The following RPRD1A variants were observed in gnomAD, a reference collection of about 807,000 sequenced individuals.
The protein encoded by RPRD1A is regulation of nuclear pre-mRNA domain-containing protein 1A.
RPRD1A carries 9 observed loss-of-function variants against 37.8 expected under a neutral mutation model. That is an observed-to-expected ratio of 0.24 (90% CI 0.14 to 0.42). RPRD1A has a LOEUF of 0.42. Among genes scored for constraint, RPRD1A ranks in the 10% least tolerant of loss-of-function variants. RPRD1A has a pLI of 1.00. For missense variants in RPRD1A, 255 were observed against 371.0 expected (o/e 0.69, Z 2.57); for synonymous variants, 138 against 139.7 (o/e 0.99, Z 0.08).
At chr18:36,015,167 C>T (rs1244003242) in intron 6 of RPRD1A, among the ~76,000 whole-genome samples, 2 of 97,852 alleles carry the variant, frequency 2.0e-5, no homozygotes, top group South Asian at 7.9e-4. Context: ...CATATATACA[C>T]ATATATACAC....
intron 6 of RPRD1A, among the ~76,000 whole-genome samples, chr18:36,014,669 G>C (rs914038730): frequency 6.6e-6 from 1 of 152,178 alleles, no homozygotes; most frequent in African/African-American, 2.4e-5. Flanking sequence ...CGTGAACCTG[G>C]GAGGCAGAGC....
At chr18:36,015,742 C>A (rs1182248359) in intron 6 of RPRD1A, among the ~76,000 whole-genome samples, 2 of 152,070 alleles carry the variant, frequency 1.3e-5, no homozygotes, top group Admixed American at 1.3e-4. Context: ...TGTATGCTTT[C>A]CCTTATATAA....
chr18:36,026,981 A>G lies in RPRD1A; in HGVS notation c.708T>C (p.Asp236=). 1 of 1,614,002 alleles carries G rather than the reference A, an allele frequency of 6.2e-7. No homozygotes were observed. Among genetic ancestry groups the G allele is most frequent in the Non-Finnish European group, 8.5e-7 (1 of 1,179,896 alleles). The change falls in exon 6 of 7, where the codon GAT becomes GAC. Residue 236 remains aspartate, a synonymous_variant. Transcript: ENST00000399022. ...YNGRLAAEID[D]RKQLTRMLAD... ...CTAACATTCGAGTGAGTTGCTTTCT[A>G]TCATCTATTTCTGCCGCCAATCTGC...
chr18:36,000,910 A>G (rs1412119296), intron 6 of RPRD1A, among the ~76,000 whole-genome samples: 1 of 152,218 alleles, frequency 6.6e-6, no homozygotes, highest in Non-Finnish European at 1.5e-5. Flanking sequence ...GGGTATTCTG[A>G]AGATGTTATC....
At chr18:36,043,903 C>T (rs1912773164) in intron 1 of RPRD1A, among the ~76,000 whole-genome samples, 1 of 152,196 alleles carries the variant, frequency 6.6e-6, no homozygotes. Context: ...CCATGTATAA[C>T]TTCTGACTCC....
chr18:36,000,191 C>G (rs911454377), intron 6 of RPRD1A, among the ~76,000 whole-genome samples: 1 of 152,176 alleles, frequency 6.6e-6, no homozygotes, highest in Non-Finnish European at 1.5e-5. Context: ...CCCTCACCTT[C>G]TGGGAAACAA....
intron 6 of RPRD1A, among the ~76,000 whole-genome samples, chr18:36,019,481 G>A (rs962954429): frequency 2.0e-5 from 3 of 152,104 alleles, no homozygotes; most frequent in Middle Eastern, 6.3e-3. Context: ...AATGATGTAG[G>A]GAGATATGAG....
chr18:35,993,694 G>A (rs1273270059), intron 6 of RPRD1A, among the ~76,000 whole-genome samples: 3 of 152,186 alleles, frequency 2.0e-5, no homozygotes, highest in African/African-American at 7.2e-5. Context: ...GGTGTCTGAA[G>A]CAGGACTGCT....
At chr18:36,030,074 G>A (rs1911664393) in intron 4 of RPRD1A, among the ~76,000 whole-genome samples, 1 of 151,290 alleles carries the variant, frequency 6.6e-6, no homozygotes, top group African/African-American at 2.4e-5. Flanking sequence ...CCAAAGTGCT[G>A]GGATTACAGG....
At chr18:36,053,627 T>G (rs1430994318) in intron 1 of RPRD1A, among the ~76,000 whole-genome samples, 1 of 152,198 alleles carries the variant, frequency 6.6e-6, no homozygotes, top group Non-Finnish European at 1.5e-5. Flanking sequence ...ATTATGAGAA[T>G]TCTTATAAAG....
intron 6 of RPRD1A, among the ~76,000 whole-genome samples, chr18:36,004,170 G>A (rs977135056): frequency 2.0e-5 from 3 of 151,550 alleles, no homozygotes; most frequent in Non-Finnish European, 4.4e-5. Flanking sequence ...CAAAAGCTAG[G>A]AGGGGTTAAA....
In RPRD1A at chr18:36,033,617, TTTTTA is replaced by T. The variant is rs564757717; in HGVS notation, c.281+86_281+90del. ...AGCATCAAAAAACTATATTCCCTAC[TTTTTA>T]TTTTAATAGTTTAAGGCAAATTTTA... On this transcript the variant is annotated intron_variant, in intron 2 of 6. Transcript: ENST00000399022. 7.5e-4 allele frequency: 822 copies of T among 1,091,602 alleles called. 3 individuals are homozygous for T. In the African/African-American group the frequency reaches 0.012, roughly 16 times the overall value. 67.6% of individuals were successfully genotyped at this position (1,091,602 alleles called of 1,614,324 possible). A position where few individuals can be genotyped will look rare whatever the true frequency, so the allele number is the denominator to read the frequency against.
intron 6 of RPRD1A, chr18:36,025,001 CAGA>C (rs1911262081): frequency 6.6e-6 from 1 of 152,022 alleles, no homozygotes; most frequent in Admixed American, 6.5e-5. Flanking sequence ...TCCAGTTATG[CAGA>C]AGAACAACAA....
intron 1 of RPRD1A, among the ~76,000 whole-genome samples, chr18:36,056,858 C>G (rs1172753990): frequency 2.6e-5 from 4 of 151,904 alleles, no homozygotes; most frequent in Admixed American, 1.3e-4. Flanking sequence ...AATAATTCAT[C>G]ATTATAGTCC....
chr18:35,996,013 GAAC>G (rs1181602726), intron 6 of RPRD1A, among the ~76,000 whole-genome samples: 18 of 152,138 alleles, frequency 1.2e-4, no homozygotes, highest in African/African-American at 3.9e-4. Context: ...AAGAGAAGCA[GAAC>G]AACCAAATCT....
intron 6 of RPRD1A, among the ~76,000 whole-genome samples, chr18:36,022,925 A>C (rs994416459): frequency 6.6e-6 from 1 of 152,154 alleles, no homozygotes; most frequent in Non-Finnish European, 1.5e-5. Context: ...TTGCATGACT[A>C]CTCCAGCCTG....
intron 1 of RPRD1A, 152 bp from the exon 2 acceptor site, chr18:36,033,989 T>A: frequency 1.7e-6 from 1 of 584,678 alleles, no homozygotes; most frequent in South Asian, 3.1e-5. Context: ...ACTACCAAAC[T>A]AACCAGTCAC....
At chr18:36,023,806 T>C (rs28480375) in intron 6 of RPRD1A, among the ~76,000 whole-genome samples, 19,146 of 152,268 alleles carry the variant, frequency 0.13, 1,287 homozygotes, top group African/African-American at 0.14. Context: ...TAGTCTTTTT[T>C]AGCAATGAAG....
At chr18:36,002,276 C>T (rs950383360) in intron 6 of RPRD1A, among the ~76,000 whole-genome samples, 3 of 152,284 alleles carry the variant, frequency 2.0e-5, no homozygotes, top group African/African-American at 7.2e-5. Context: ...AAATTCTTGG[C>T]TGTTCTATTT....
Sources: allele counts gnomAD v4.1 joint callset (sites outside exome capture counted in the v4.1 genomes callset), GRCh38; gene constraint gnomAD v4.1.1; transcripts MANE v1.5; gene names NCBI Gene and HGNC (gene_info 2026-07-23, HGNC 2026-07-21).